Variants in SERGEF observed in about 807,000 individuals in gnomAD.
The protein encoded by SERGEF is secretion-regulating guanine nucleotide exchange factor.
In SERGEF, 51 loss-of-function variants were observed where a neutral mutation model predicts 50.0. The ratio of observed to expected loss-of-function variants is 1.02; its 90% CI spans 0.81 to 1.29. The LOEUF is 1.29. SERGEF is among the 50% of genes most tolerant of loss of function. SERGEF has a pLI of 0.00. For missense variants in SERGEF, 521 were observed against 557.0 expected (o/e 0.94, Z 0.65); for synonymous variants, 205 against 212.4 (o/e 0.97, Z 0.30).
At chr11:17,889,550 G>A (rs1851494855) in intron 9 of SERGEF, among the ~76,000 whole-genome samples, 1 of 152,080 alleles carries the variant, frequency 6.6e-6, no homozygotes, top group Non-Finnish European at 1.5e-5. Context: ...AGCTATTCCA[G>A]AATAAAGGAG....
chr11:17,840,857 C>T (rs1429676575), intron 10 of SERGEF, among the ~76,000 whole-genome samples: 1 of 152,184 alleles, frequency 6.6e-6, no homozygotes, highest in East Asian at 1.9e-4. Flanking sequence ...TCCTTTCTGA[C>T]TTGACATTGT....
chr11:17,918,663 C>CACA lies in SERGEF; in HGVS notation c.1012-40420_1012-40419insTGT, dbSNP rs1565204600. The CACA allele has an allele frequency of 7.6e-3, 1,867 of 244,094 alleles. 22 individuals are homozygous for CACA. The highest frequency in any genetic ancestry group is 0.029 in the African/African-American group (1,108 of 37,762). The allele number at this position is 244,094 out of a possible 1,614,324, so 15.1% of individuals were successfully genotyped here. A position where few individuals can be genotyped will look rare whatever the true frequency, so the allele number is the denominator to read the frequency against. On this transcript the variant is annotated intron_variant, in intron 9 of 10. Coordinates refer to ENST00000265965, the MANE Select transcript of SERGEF (RefSeq NM_012139.4). ...ACACACACACACACATACACACACA[C>CACA]TCTCTCTCTCTCTCTCTTTCTCTCC...
In SERGEF at chr11:18,012,814, C is replaced by T. The variant is rs1211808062; in HGVS notation, c.60+137G>A. ...TCCTCCTCCGCTCCCCCTCCGCTCC[C>T]AGCCCAGGATCCTTCAACCCAGAGC... On this transcript the variant is annotated intron_variant, in intron 1 of 10. Coordinates refer to ENST00000265965, the MANE Select transcript of SERGEF (RefSeq NM_012139.4). 3 of 1,511,400 alleles carry T rather than the reference C, an allele frequency of 2.0e-6. No homozygotes were observed. The South Asian group carries it at 3.6e-5, about 18-fold the overall frequency. 93.6% of individuals were successfully genotyped at this position (1,511,400 alleles called of 1,614,324 possible).
chr11:17,927,998 C>G (rs182363976), intron 9 of SERGEF, among the ~76,000 whole-genome samples: 81 of 152,358 alleles, frequency 5.3e-4, no homozygotes, highest in Non-Finnish European at 3.7e-4. Flanking sequence ...CTTTTAAACT[C>G]AGCTGCAATC....
chr11:17,881,985 C>T (rs759851175), intron 9 of SERGEF, among the ~76,000 whole-genome samples: 10 of 152,230 alleles, frequency 6.6e-5, no homozygotes, highest in Non-Finnish European at 1.3e-4. Flanking sequence ...AACCTTCAAA[C>T]CAAATAATAT....
chr11:17,885,657 G>T (rs1286336855), intron 9 of SERGEF, among the ~76,000 whole-genome samples: 1 of 151,762 alleles, frequency 6.6e-6, no homozygotes, highest in African/African-American at 2.4e-5. Flanking sequence ...AATTAAAGTT[G>T]TCACAGTTAT....
rs1851467410 is a variant in SERGEF, at chr11:17,888,294, C to T, written c.1012-10050G>A. 6.6e-6 allele frequency among the ~76,000 whole-genome samples: 1 copy of T among 152,086 alleles called. No individual in the cohort carries two copies. The highest frequency in any genetic ancestry group is 1.5e-5 in the Non-Finnish European group (1 of 68,024). On this transcript the variant is annotated intron_variant, in intron 9 of 10. Coordinates refer to ENST00000265965, the MANE Select transcript of SERGEF (RefSeq NM_012139.4). The surrounding 1 kb of genome is among the most constrained non-coding windows in gnomAD (Gnocchi z 4.1). ...ATATGAAACTCAAAAGTAGGCAAAA[C>T]TGATTTCAAATAAATAATATAACTG...
intron 9 of SERGEF, among the ~76,000 whole-genome samples, chr11:17,951,950 CCCTCCCAGGTAG>C (rs879606581): frequency 2.0e-5 from 3 of 152,138 alleles, no homozygotes; most frequent in Non-Finnish European, 2.9e-5. Flanking sequence ...GTGAACTAGT[CCCTCCCAGGTAG>C]CCTCCCTGCC....
intron 9 of SERGEF, among the ~76,000 whole-genome samples, chr11:17,905,207 T>C (rs528503416): frequency 4.6e-5 from 7 of 152,258 alleles, no homozygotes; most frequent in Non-Finnish European, 7.3e-5. Flanking sequence ...TTCCACCCTC[T>C]GTTTCTCTTC....
At chr11:17,834,013 G>A (rs760717411) in intron 10 of SERGEF, among the ~76,000 whole-genome samples, 15 of 152,174 alleles carry the variant, frequency 9.9e-5, no homozygotes, top group Non-Finnish European at 1.8e-4. Context: ...AGGCATGATT[G>A]GTTTTGAAAT....
In SERGEF at chr11:17,952,696, C is replaced by T. The variant is rs971765379; in HGVS notation, c.1011+6774G>A. ...CAGAATCTCCTGGAAGGGCTACTCA[C>T]ACCCACAGCCTCTATTTCTCATCAC... On this transcript the variant is annotated intron_variant, in intron 9 of 10. Transcript: ENST00000265965. Among the ~76,000 whole-genome samples, 6 of 152,318 alleles carry T rather than the reference C, an allele frequency of 3.9e-5. No individual in the cohort carries two copies. The East Asian group carries it at 1.2e-3, about 29-fold the overall frequency.
At chr11:17,910,839 A>G (rs1851938359) in intron 9 of SERGEF, among the ~76,000 whole-genome samples, 1 of 152,210 alleles carries the variant, frequency 6.6e-6, no homozygotes. Context: ...AATCAGTAAC[A>G]AATACGCTAA....
chr11:17,795,210 G>T (rs1049983953), intron 10 of SERGEF, among the ~76,000 whole-genome samples: 1 of 152,308 alleles, frequency 6.6e-6, no homozygotes, highest in Admixed American at 6.5e-5. Flanking sequence ...GGGCCTTGGA[G>T]CAGGGTAAGT....
chr11:18,005,045 A>G (rs757322182), intron 3 of SERGEF, among the ~76,000 whole-genome samples: 10 of 152,206 alleles, frequency 6.6e-5, no homozygotes, highest in Non-Finnish European at 1.2e-4. Flanking sequence ...ATTTGGGGGT[A>G]AGTTTGGACC....
chr11:17,964,532 T>A (rs1853079096), intron 8 of SERGEF, among the ~76,000 whole-genome samples: 1 of 152,184 alleles, frequency 6.6e-6, no homozygotes. Flanking sequence ...AAAAAGGGAA[T>A]ATAATGTCAC....
intron 8 of SERGEF, among the ~76,000 whole-genome samples, chr11:17,971,727 C>A (rs1853252615): frequency 6.6e-6 from 1 of 152,170 alleles, no homozygotes; most frequent in Non-Finnish European, 1.5e-5. Flanking sequence ...ATCAAGGAGT[C>A]ATTTTGTCTT....
chr11:17,831,337 CTA>C (rs758597031), intron 10 of SERGEF, among the ~76,000 whole-genome samples: 16 of 152,208 alleles, frequency 1.1e-4, no homozygotes, highest in Non-Finnish European at 2.4e-4. Flanking sequence ...GGTGCCTGGC[CTA>C]TTCTGGAGGT....
intron 10 of SERGEF, among the ~76,000 whole-genome samples, chr11:17,835,041 G>C (rs572254116): frequency 6.6e-6 from 1 of 152,194 alleles, no homozygotes; most frequent in Non-Finnish European, 1.5e-5. Context: ...GCTAGGTCCT[G>C]AATTTCAGTG....
chr11:18,000,521 G>T lies in SERGEF; in HGVS notation c.484C>A (p.Leu162Met). Reference protein sequence around the residue: ...KEKVVCIAAGLRHAVAATASG... With the variant: ...KEKVVCIAAGMRHAVAATASG... Reference sequence around the variant, plus strand: ...CCTGTAGCAGCTACTGCATGCCTCAGTCCAGCAGCAATACAAACAACCTTC... The same window carrying T: ...CCTGTAGCAGCTACTGCATGCCTCATTCCAGCAGCAATACAAACAACCTTC... The change falls in exon 5 of 11, where the codon CTG (leucine) becomes ATG (methionine). Residue 162 changes from leucine to methionine, a missense_variant. Leu to Met is a conservative substitution (Grantham distance 15). Transcript: ENST00000265965. The T allele has an allele frequency of 6.3e-7, 1 of 1,588,626 alleles. No homozygotes were observed. Among genetic ancestry groups the T allele is most frequent in the South Asian group, 1.2e-5 (1 of 85,396 alleles).
Sources: allele counts gnomAD v4.1 joint callset (sites outside exome capture counted in the v4.1 genomes callset), GRCh38; gene constraint gnomAD v4.1.1; non-coding constraint Gnocchi (gnomAD v3.1); transcripts MANE v1.5; gene names NCBI Gene and HGNC (gene_info 2026-07-23, HGNC 2026-07-21).